The following UBAC2 variants were observed in gnomAD, a reference collection of about 807,000 sequenced individuals.
UBAC2 encodes ubiquitin-associated domain-containing protein 2.
In UBAC2, 26 loss-of-function variants were observed where a neutral mutation model predicts 44.0. The ratio of observed to expected loss-of-function variants is 0.59; its 90% CI spans 0.43 to 0.82. UBAC2 has a LOEUF of 0.82. Ranked by LOEUF, UBAC2 falls within the 40% of genes least tolerant of loss-of-function variation. UBAC2 has a pLI of 0.00. For missense variants in UBAC2, 329 were observed against 419.4 expected, an observed-to-expected ratio of 0.78 and a Z score of 1.88; for synonymous variants, 155 against 154.3, an observed-to-expected ratio of 1.00 and a Z score of -0.04.
chr13:99,329,585 C>T (rs2044686666), intron 6 of UBAC2, among the ~76,000 whole-genome samples: 1 of 152,214 alleles, frequency 6.6e-6, no homozygotes, highest in South Asian at 2.1e-4. Flanking sequence ...TTTACTCTCT[C>T]CTGGATCTCT....
At chr13:99,228,103 G>C (rs1032920066) in intron 1 of UBAC2, among the ~76,000 whole-genome samples, 1 of 152,110 alleles carries the variant, frequency 6.6e-6, no homozygotes, top group South Asian at 2.1e-4. Context: ...GACTGACGGG[G>C]CCCATTGCAC....
At position 99,308,967 on chromosome 13, in the gene UBAC2, G is replaced by A. The variant is rs141710927; in HGVS notation, c.390-5130G>A. Reference sequence around the variant, plus strand: ...CAGAGTACTTGAAGAAGACACTGTTGATAAATTTTTCAGTTTGTTGAAAGA... The same window carrying A: ...CAGAGTACTTGAAGAAGACACTGTTAATAAATTTTTCAGTTTGTTGAAAGA... On this transcript the variant is annotated intron_variant, in intron 4 of 8. Transcript: ENST00000403766. 6.6e-4 allele frequency among the ~76,000 whole-genome samples: 100 copies of A among 152,278 alleles called. 1 individual carries two copies. Among genetic ancestry groups the A allele is most frequent in the African/African-American group, 2.3e-3 (97 of 41,554 alleles).
chr13:99,279,640 C>G (rs2043927536), intron 4 of UBAC2, among the ~76,000 whole-genome samples: 1 of 152,142 alleles, frequency 6.6e-6, no homozygotes, highest in Non-Finnish European at 1.5e-5. Flanking sequence ...AACAAAATGC[C>G]CTAGACTGTG....
At chr13:99,379,376 C>T (rs2093642) in intron 8 of UBAC2, among the ~76,000 whole-genome samples, 20,228 of 152,262 alleles carry the variant, frequency 0.13, 1,581 homozygotes, top group East Asian at 0.32. Flanking sequence ...TCAGCAATGA[C>T]CTTGGCAAAC....
At position 99,297,305 on chromosome 13, in the gene UBAC2, T is replaced by C. The variant is rs1452122745; in HGVS notation, c.390-16792T>C. The stretch of plus-strand genomic sequence containing the variant: ...AAATAATTCCTCTGATAGAACTGTG[T>C]GTACATAAATCTCACCTGGAAGTCA... On this transcript the variant is annotated intron_variant, in intron 4 of 8. Coordinates refer to ENST00000403766, the MANE Select transcript of UBAC2 (RefSeq NM_001144072.2). Among the ~76,000 whole-genome samples the C allele has an allele frequency of 2.0e-5, 3 of 152,188 alleles. No individual in the cohort carries two copies. The East Asian group carries it at 5.8e-4, about 29-fold the overall frequency.
At chr13:99,382,748 A>G (rs1672023216) in intron 8 of UBAC2, among the ~76,000 whole-genome samples, 1 of 152,186 alleles carries the variant, frequency 6.6e-6, no homozygotes, top group Admixed American at 6.5e-5. Context: ...CAGTGGGGCA[A>G]TGAGGACTTC....
At chr13:99,376,629 T>C (rs2045483423) in intron 8 of UBAC2, among the ~76,000 whole-genome samples, 1 of 152,166 alleles carries the variant, frequency 6.6e-6, no homozygotes, top group Non-Finnish European at 1.5e-5. Context: ...TGTTAGTGTC[T>C]AGAAATAAGA....
At chr13:99,268,809 G>A (rs1406904878) in intron 4 of UBAC2, among the ~76,000 whole-genome samples, 1 of 152,034 alleles carries the variant, frequency 6.6e-6, no homozygotes, top group Non-Finnish European at 1.5e-5. Context: ...GGATTACAGG[G>A]AAACAAGGAT....
chr13:99,287,437 T>A lies in UBAC2; in HGVS notation c.390-26660T>A, dbSNP rs115995095. Among the ~76,000 whole-genome samples, 971 of 151,958 alleles carry A rather than the reference T, an allele frequency of 6.4e-3. 6 individuals are homozygous for A. The highest frequency in any genetic ancestry group is 0.023 in the African/African-American group (936 of 41,426). Reference sequence around the variant, plus strand: ...TTCTTAACTGCTGTTCTTTTTTTTTTAAATTTTGAGACAGGGTCTCACTCT... The same window carrying A: ...TTCTTAACTGCTGTTCTTTTTTTTTAAAATTTTGAGACAGGGTCTCACTCT... On this transcript the variant is annotated intron_variant, in intron 4 of 8. Coordinates refer to ENST00000403766, the MANE Select transcript of UBAC2 (RefSeq NM_001144072.2).
intron 1 of UBAC2, among the ~76,000 whole-genome samples, chr13:99,213,347 G>A (rs899696132): frequency 6.6e-6 from 1 of 150,664 alleles, no homozygotes; most frequent in African/African-American, 2.4e-5. Flanking sequence ...GAGCCACCAC[G>A]CCCTATCCAT....
At chr13:99,251,629 A>C (rs1296845016) in intron 4 of UBAC2, among the ~76,000 whole-genome samples, 2 of 152,190 alleles carry the variant, frequency 1.3e-5, no homozygotes, top group Non-Finnish European at 2.9e-5. Flanking sequence ...AAAAACCCTC[A>C]AATTCTCATT....
At chr13:99,256,009 G>A (rs1229886467) in intron 4 of UBAC2, 3 of 751,646 alleles carry the variant, frequency 4.0e-6, no homozygotes, top group Non-Finnish European at 6.4e-6. Context: ...TTAAGTTCGA[G>A]AGCATTTAAT....
At chr13:99,338,233 T>C (rs1005677033) in intron 6 of UBAC2, among the ~76,000 whole-genome samples, 4 of 151,924 alleles carry the variant, frequency 2.6e-5, no homozygotes, top group Non-Finnish European at 2.9e-5. Flanking sequence ...AATTTTTGTA[T>C]TTTTAGTAGA....
Position 99,244,609 on chromosome 13 carries a change from AT to A in UBAC2, c.377del (p.Leu126CysfsTer39). The A allele has an allele frequency of 6.2e-7, 1 of 1,610,268 alleles. No individual in the cohort carries two copies. The highest frequency in any genetic ancestry group is 8.5e-7 in the Non-Finnish European group (1 of 1,176,896). On this transcript the variant is annotated frameshift_variant, in exon 4 of 9. Coordinates refer to ENST00000403766, the MANE Select transcript of UBAC2 (RefSeq NM_001144072.2). LOFTEE classifies it high-confidence loss of function. ...TTCTTTGGCATCACTGCAGCTAGTA[AT>A]TTGCCTTCTGGATTGTAAGTAGCAC... is the stretch of plus-strand genomic sequence containing the variant. ...QYFFGITAAS[N>X]LPSGFLAPVF...
intron 1 of UBAC2, among the ~76,000 whole-genome samples, chr13:99,202,923 A>G (rs2042822719): frequency 6.6e-6 from 1 of 152,228 alleles, no homozygotes. Flanking sequence ...GCTTAGGCAC[A>G]GTTTTCCAGG....
chr13:99,359,176 AGTGGTCAGTAAGACCTG>A (rs2045230795), intron 7 of UBAC2, among the ~76,000 whole-genome samples: 1 of 152,198 alleles, frequency 6.6e-6, no homozygotes, highest in Non-Finnish European at 1.5e-5. Flanking sequence ...GTCGAGGAAG[AGTGGTCAGTAAGACCTG>A]GTGCTGCCAG....
chr13:99,224,786 A>C (rs1339603969), intron 1 of UBAC2, among the ~76,000 whole-genome samples: 3 of 152,228 alleles, frequency 2.0e-5, no homozygotes, highest in African/African-American at 7.2e-5. Flanking sequence ...TTCTCTAAAC[A>C]CTTAAATGTG....
chr13:99,364,541 C>T lies in UBAC2; in HGVS notation c.808-3246C>T, dbSNP rs535131900. On this transcript the variant is annotated intron_variant, in intron 7 of 8. Transcript: ENST00000403766. Reference sequence around the variant, plus strand: ...TAGTCCCAAAAAATTAGGTGGGAAACTCTCCTTCCTTTTCTGTACTCTAGA... The same window carrying T: ...TAGTCCCAAAAAATTAGGTGGGAAATTCTCCTTCCTTTTCTGTACTCTAGA... 1.1e-4 allele frequency among the ~76,000 whole-genome samples: 17 copies of T among 152,062 alleles called. 1 individual carries two copies. The East Asian group carries it at 2.7e-3, about 24-fold the overall frequency.
intron 5 of UBAC2, among the ~76,000 whole-genome samples, chr13:99,315,184 C>A (rs755695020): frequency 6.6e-6 from 1 of 152,134 alleles, no homozygotes; most frequent in Admixed American, 6.5e-5. Flanking sequence ...CATCTCTCAA[C>A]CCCCGTACCG....
Sources: gnomAD v4.1 joint callset for allele counts (sites outside exome capture counted in the v4.1 genomes callset) on GRCh38, gnomAD v4.1.1 for gene constraint, MANE v1.5 for transcripts, NCBI Gene and HGNC (gene_info 2026-07-23, HGNC 2026-07-21) for gene names.